The following HIVEP3 variants were observed in gnomAD, a reference collection of about 807,000 sequenced individuals.
HIVEP3 encodes the protein HIVEP zinc finger 3.
A neutral mutation model predicts 152.8 loss-of-function variants in HIVEP3; 49 were observed. The observed-to-expected ratio is 0.32, with a 90% CI of 0.26 to 0.41. HIVEP3 has a LOEUF of 0.41. Among genes scored for constraint, HIVEP3 ranks in the 10% least tolerant of loss-of-function variants. HIVEP3 has a pLI of 1.00. For synonymous variants in HIVEP3, 1,269 were observed against 1,289.0 expected, an observed-to-expected ratio of 0.98 and a Z score of 0.33; for missense variants, 2,790 against 3,103.3, an observed-to-expected ratio of 0.90 and a Z score of 2.40.
At position 41,513,113 on chromosome 1, in the gene HIVEP3, G is replaced by T. The variant is rs1391167319; in HGVS notation, c.6108C>A (p.Leu2036=). ...CGSPRLQLSP[L]TLCPLGRELA... ...GTTCTCTTCCCAGGGGGCAGAGGGTGAGAGGAGACAGCTGAAGTCTTGGAG... is the reference window on the plus strand; with the variant it reads ...GTTCTCTTCCCAGGGGGCAGAGGGTTAGAGGAGACAGCTGAAGTCTTGGAG... The change falls in exon 8 of 9, where the codon CTC becomes CTA. Residue 2036 remains leucine (L), a synonymous_variant. Transcript: ENST00000372583. 1.2e-6 allele frequency: 2 copies of T among 1,613,912 alleles called. No individual in the cohort carries two copies. Among genetic ancestry groups the T allele is most frequent in the Non-Finnish European group, 1.7e-6 (2 of 1,180,048 alleles).
At chr1:41,551,136 T>C (rs1476733294) in intron 5 of HIVEP3, among the ~76,000 whole-genome samples, 1 of 152,248 alleles carries the variant, frequency 6.6e-6, no homozygotes, top group Non-Finnish European at 1.5e-5. Context: ...GAGATAATCA[T>C]GTGGTTTTTG....
intron 2 of HIVEP3, among the ~76,000 whole-genome samples, chr1:41,694,038 A>G (rs901847663): frequency 6.6e-6 from 1 of 152,118 alleles, no homozygotes; most frequent in Non-Finnish European, 1.5e-5. Flanking sequence ...CCATTCATCC[A>G]TGTTTATTTT....
At chr1:41,754,020 C>T (rs1436399425) in intron 1 of HIVEP3, among the ~76,000 whole-genome samples, 2 of 150,386 alleles carry the variant, frequency 1.3e-5, no homozygotes, top group East Asian at 3.9e-4. Flanking sequence ...AGTGAGTGAG[C>T]TCTGTGGACA....
intron 1 of HIVEP3, among the ~76,000 whole-genome samples, chr1:41,725,824 T>C (rs916259921): frequency 6.6e-6 from 1 of 152,246 alleles, no homozygotes; most frequent in Non-Finnish European, 1.5e-5. Context: ...AGGGTCATTT[T>C]AAGACCCAAG....
intron 4 of HIVEP3, among the ~76,000 whole-genome samples, chr1:41,577,091 G>A (rs765830469): frequency 3.9e-5 from 6 of 152,166 alleles, no homozygotes; most frequent in Non-Finnish European, 8.8e-5. Context: ...AGCCTGCCGT[G>A]ATATCTGGGC....
Position 41,511,391 on chromosome 1 carries a change from C to T in HIVEP3, c.6406-125G>A. The T allele has an allele frequency of 1.1e-6, 1 of 899,594 alleles. No individual in the cohort carries two copies. Among genetic ancestry groups the T allele is most frequent in the Non-Finnish European group, 1.6e-6 (1 of 609,856 alleles). The allele number at this position is 899,594 out of a possible 1,614,324, so 55.7% of individuals were successfully genotyped here. A position where few individuals can be genotyped will look rare whatever the true frequency, so the allele number is the denominator to read the frequency against. The stretch of plus-strand genomic sequence containing the variant: ...GAGCGAGTCCAGGGTCCCGGCTGAG[C>T]TGAGCCCAGAACCAAGTTCCTGACT... On this transcript the variant is annotated intron_variant, in intron 8 of 8. Coordinates refer to ENST00000372583, the MANE Select transcript of HIVEP3 (RefSeq NM_024503.5). This position sits in a 1 kb window ranked among gnomAD's most constrained non-coding sequence, Gnocchi z 4.9.
rs1645418134 is a variant in HIVEP3 at position 42,000,045 on chromosome 1, C to A, written n.119+35762G>T. Among the ~76,000 whole-genome samples the A allele has an allele frequency of 2.0e-5, 3 of 152,146 alleles. No individual in the cohort carries two copies. In the South Asian group the frequency reaches 6.2e-4, roughly 32 times the overall value. Reference sequence around the variant, plus strand: ...CAAAACAAGTGGGAATTCATTAATTCATAATTGAAAACTTAGTGTGTAGAC... The same window carrying A: ...CAAAACAAGTGGGAATTCATTAATTAATAATTGAAAACTTAGTGTGTAGAC... On this transcript the variant is annotated intron_variant and non_coding_transcript_variant, in intron 1 of 3. Coordinates refer to the HIVEP3 transcript ENST00000489103.
intron 1 of HIVEP3, among the ~76,000 whole-genome samples, chr1:41,946,346 C>A (rs1461871310): frequency 9.9e-5 from 15 of 152,162 alleles, no homozygotes; most frequent in Non-Finnish European, 1.9e-4. Context: ...ACCCTCAGAG[C>A]CCCGGGTATG....
At position 41,584,806 on chromosome 1, in the gene HIVEP3, C is replaced by A. The variant is rs1029596867; in HGVS notation, c.-9G>T. The A allele has an allele frequency of 1.3e-6, 2 of 1,502,688 alleles. No homozygotes were observed. The highest frequency in any genetic ancestry group is 1.4e-5 in the African/African-American group (1 of 71,524). 93.1% of individuals were successfully genotyped at this position (1,502,688 alleles called of 1,614,324 possible). On this transcript the variant is annotated 5_prime_UTR_variant, in exon 4 of 9. Coordinates refer to ENST00000372583, the MANE Select transcript of HIVEP3 (RefSeq NM_024503.5). The surrounding 1 kb of genome is among the most constrained non-coding windows in gnomAD (Gnocchi z 5.2). The stretch of plus-strand genomic sequence containing the variant: ...CTTTGTTCAGGATCCATGACCTTCA[C>A]AAAGACTTCAGATGCTATTCAGGGA...
intron 3 of HIVEP3, among the ~76,000 whole-genome samples, chr1:41,599,808 C>T (rs760802748): frequency 4.6e-5 from 7 of 152,082 alleles, no homozygotes; most frequent in Non-Finnish European, 1.0e-4. Flanking sequence ...TGAGAGAAAA[C>T]GCTTGCAAAT....
At chr1:41,959,156 T>C (rs1049241190) in intron 1 of HIVEP3, among the ~76,000 whole-genome samples, 7 of 152,196 alleles carry the variant, frequency 4.6e-5, no homozygotes, top group African/African-American at 1.7e-4. Context: ...TAGCTCCTGA[T>C]GCTGCTAAAC....
intron 1 of HIVEP3, among the ~76,000 whole-genome samples, chr1:41,761,352 A>ATGAG (rs1647667449): frequency 6.6e-6 from 1 of 151,900 alleles, no homozygotes; most frequent in African/African-American, 2.4e-5. Context: ...GTGTGAGTGT[A>ATGAG]TGAGTGTGTA....
intron 2 of HIVEP3, among the ~76,000 whole-genome samples, chr1:41,651,006 T>C (rs958268993): frequency 2.0e-5 from 3 of 152,140 alleles, no homozygotes; most frequent in African/African-American, 7.2e-5. Context: ...TATTTTTGAG[T>C]ACATATTTTT....
chr1:41,708,333 C>T (rs1289325239), intron 1 of HIVEP3, among the ~76,000 whole-genome samples: 1 of 152,172 alleles, frequency 6.6e-6, no homozygotes, highest in Non-Finnish European at 1.5e-5. Context: ...CTTTTGCCCA[C>T]TTGGCACCCC....
At chr1:41,703,830 C>T (rs1384370874) in intron 1 of HIVEP3, among the ~76,000 whole-genome samples, 1 of 152,202 alleles carries the variant, frequency 6.6e-6, no homozygotes, top group Non-Finnish European at 1.5e-5. Flanking sequence ...GAAGCTCTGG[C>T]CCCAAAGAAG....
intron 5 of HIVEP3, among the ~76,000 whole-genome samples, chr1:41,559,830 T>C (rs1280905266): frequency 2.0e-5 from 3 of 152,270 alleles, no homozygotes; most frequent in African/African-American, 7.2e-5. Context: ...CTGAGTTTTA[T>C]GAAGCACTTA....
intron 1 of HIVEP3, among the ~76,000 whole-genome samples, chr1:41,820,435 ATGT>A (rs200755671): frequency 0.016 from 2,494 of 152,282 alleles, 36 homozygotes; most frequent in Non-Finnish European, 0.021. Context: ...ATATTAATAC[ATGT>A]TGTCCCCATA....
At chr1:41,797,424 G>C (rs1650045900) in intron 1 of HIVEP3, among the ~76,000 whole-genome samples, 1 of 152,170 alleles carries the variant, frequency 6.6e-6, no homozygotes, top group Non-Finnish European at 1.5e-5. Flanking sequence ...TGCCTAAGAT[G>C]AATTCCTCCA....
chr1:41,647,194 T>G (rs994206742), intron 2 of HIVEP3, among the ~76,000 whole-genome samples: 8 of 152,202 alleles, frequency 5.3e-5, no homozygotes, highest in African/African-American at 1.9e-4. Flanking sequence ...CCCACCATAC[T>G]CATAGACTTC....
Sources: allele counts gnomAD v4.1 joint callset (sites outside exome capture counted in the v4.1 genomes callset), GRCh38; gene constraint gnomAD v4.1.1; non-coding constraint Gnocchi (gnomAD v3.1); transcripts MANE v1.5; gene names NCBI Gene and HGNC (gene_info 2026-07-23, HGNC 2026-07-21).